The following GMFB variants were observed in gnomAD, a reference collection of about 807,000 sequenced individuals.
GMFB encodes the protein glia maturation factor beta.
Under a neutral mutation model 25.6 loss-of-function variants are expected in GMFB, and 13 were observed. The observed-to-expected ratio is 0.51, with a 90% CI of 0.33 to 0.81. The LOEUF is 0.81. Ranked by LOEUF, GMFB falls within the 30% of genes least tolerant of loss-of-function variation. GMFB has a pLI of 0.02. For missense variants in GMFB, 146 were observed against 175.4 expected (o/e 0.83, Z 0.95); for synonymous variants, 57 against 56.9 (o/e 1.00, Z 0.00).
At chr14:54,480,853 T>A in intron 5 of GMFB, 21 bp downstream of exon 5, 1 of 1,222,352 alleles carries the variant, frequency 8.2e-7, no homozygotes, top group Non-Finnish European at 1.2e-6. Flanking sequence ...AAATATGTGT[T>A]ATTTAAAGAA....
At chr14:54,487,496 G>A (rs372476684) in intron 1 of GMFB, among the ~76,000 whole-genome samples, 3 of 151,718 alleles carry the variant, frequency 2.0e-5, no homozygotes, top group Non-Finnish European at 2.9e-5. Context: ...CGGAGATCGC[G>A]CCACTGCACT....
chr14:54,486,885 T>C (rs1305543052), intron 1 of GMFB, among the ~76,000 whole-genome samples: 1 of 9,634 alleles, frequency 1.0e-4, no homozygotes, highest in Non-Finnish European at 1.9e-4. Context: ...GATTGGATAT[T>C]GGGGGTGGGG....
rs1311778616 is a variant in GMFB, at chr14:54,475,292, T to C, written c.*2796A>G. 6.6e-6 allele frequency: 1 copy of C among 152,576 alleles called. No individual in the cohort carries two copies. The highest frequency in any genetic ancestry group is 1.5e-5 in the Non-Finnish European group (1 of 67,986). The allele number at this position is 152,576 out of a possible 1,614,324, so 9.5% of individuals were successfully genotyped here. A position where few individuals can be genotyped will look rare whatever the true frequency, so the allele number is the denominator to read the frequency against. ...AATAAACTCCCCTAACTGGAAATTT[T>C]TAGCTAAAGTGTCAGACAAGGATAC... On this transcript the variant is annotated 3_prime_UTR_variant, in exon 7 of 7. Coordinates refer to ENST00000358056, the MANE Select transcript of GMFB (RefSeq NM_004124.3).
chr14:54,483,958 A>C (rs747678523), intron 1 of GMFB, 191 bp from the exon 2 acceptor site: 1 of 682,126 alleles, frequency 1.5e-6, no homozygotes, highest in South Asian at 1.5e-5. Flanking sequence ...GCTTAATCCT[A>C]CAAATTTGTT....
At chr14:54,485,615 G>GCAAT (rs955148894) in intron 1 of GMFB, among the ~76,000 whole-genome samples, 2 of 152,132 alleles carry the variant, frequency 1.3e-5, no homozygotes, top group Admixed American at 1.3e-4. Flanking sequence ...CAGATTCAAT[G>GCAAT]CAATCCCCAT....
intron 2 of GMFB, among the ~76,000 whole-genome samples, chr14:54,482,940 G>A (rs944563132): frequency 1.3e-5 from 2 of 151,582 alleles, no homozygotes; most frequent in African/African-American, 4.9e-5. Flanking sequence ...TGTCGACATT[G>A]CAGTATTTAT....
At chr14:54,488,370 A>G (rs1248241434) in intron 1 of GMFB, among the ~76,000 whole-genome samples, 1 of 152,238 alleles carries the variant, frequency 6.6e-6, no homozygotes, top group Non-Finnish European at 1.5e-5. Flanking sequence ...TCCAACTGCC[A>G]TAGGAAAGCA....
rs1264443241 is a variant in GMFB at position 54,475,261 on chromosome 14, T to C, written c.*2827A>G. On this transcript the variant is annotated 3_prime_UTR_variant, in exon 7 of 7. Transcript: ENST00000358056. The stretch of plus-strand genomic sequence containing the variant: ...GGTTGGGGGGAACAGCCAAATTTAA[T>C]TTGGCAATAAACTCCCCTAACTGGA... 1 of 152,574 alleles carries C rather than the reference T, an allele frequency of 6.6e-6. No individual in the cohort carries two copies. Among genetic ancestry groups the C allele is most frequent in the Admixed American group, 6.5e-5 (1 of 15,280 alleles). 9.5% of individuals were successfully genotyped at this position (152,574 alleles called of 1,614,324 possible). A position where few individuals can be genotyped will look rare whatever the true frequency, so the allele number is the denominator to read the frequency against.
intron 1 of GMFB, among the ~76,000 whole-genome samples, chr14:54,484,606 A>G (rs767795435): frequency 1.2e-4 from 18 of 152,180 alleles, no homozygotes; most frequent in Non-Finnish European, 2.5e-4. Context: ...GAATTCTACC[A>G]AAGATTTAAA....
At chr14:54,478,197 C>A in intron 6 of GMFB, 38 bp from the exon 7 acceptor site, 2 of 736,406 alleles carry the variant, frequency 2.7e-6, no homozygotes, top group Non-Finnish European at 4.2e-6. Context: ...TACTTTGACA[C>A]TCCAAAAAAA....
At chr14:54,487,567 GC>G (rs1297407010) in intron 1 of GMFB, among the ~76,000 whole-genome samples, 1 of 151,836 alleles carries the variant, frequency 6.6e-6, no homozygotes, top group Non-Finnish European at 1.5e-5. Context: ...AACAAAATTA[GC>G]CGGGCGTGGT....
chr14:54,482,316 C>CA, intron 2 of GMFB, 114 bp from the exon 3 acceptor site: 1 of 674,132 alleles, frequency 1.5e-6, no homozygotes, highest in Admixed American at 2.4e-5. Context: ...CATCAAGAAA[C>CA]AGAAGCATAT....
At chr14:54,483,427 C>T (rs1340833437) in intron 2 of GMFB, 3 of 428,498 alleles carry the variant, frequency 7.0e-6, no homozygotes, top group African/African-American at 2.0e-5. Context: ...CCAAGACGAC[C>T]GCCTTCTCCA....
At chr14:54,483,988 A>G (rs1175405429) in intron 1 of GMFB, 2 of 640,950 alleles carry the variant, frequency 3.1e-6, no homozygotes, top group Non-Finnish European at 5.8e-6. Flanking sequence ...TATGTAAGGT[A>G]TATTTTAACT....
chr14:54,481,282 C>T, intron 4 of GMFB, 127 bp downstream of exon 4: 1 of 694,076 alleles, frequency 1.4e-6, no homozygotes, highest in South Asian at 1.6e-5. Context: ...CTAGTATATG[C>T]ACACATATTT....
At position 54,487,297 on chromosome 14, in the gene GMFB, C is replaced by T. The variant is rs541245633; in HGVS notation, c.3+1628G>A. Among the ~76,000 whole-genome samples, 12 of 144,824 alleles carry T rather than the reference C, an allele frequency of 8.3e-5. 1 individual carries two copies. The South Asian group carries it at 1.4e-3, about 16-fold the overall frequency. On this transcript the variant is annotated intron_variant, in intron 1 of 6. Coordinates refer to ENST00000358056, the MANE Select transcript of GMFB (RefSeq NM_004124.3). Reference sequence around the variant, plus strand: ...CTGTAATCCCAGCACTTTGGGAGGCCGAGGCAGGTGGATCACGAGGTCAGG... The same window carrying T: ...CTGTAATCCCAGCACTTTGGGAGGCTGAGGCAGGTGGATCACGAGGTCAGG...
Position 54,488,916 on chromosome 14 carries a change from G to A in GMFB, c.3+9C>T, listed in dbSNP as rs763300546. ...CCCTCCGGCCCCCGCCCTCCCAGCG[G>A]CAACTCACCATTTTCCTTCCGGCCG... On this transcript the variant is annotated intron_variant, in intron 1 of 6. Transcript: ENST00000358056. The A allele has an allele frequency of 2.6e-6, 4 of 1,561,780 alleles. No individual in the cohort carries two copies. Among genetic ancestry groups the A allele is most frequent in the African/African-American group, 1.4e-5 (1 of 70,566 alleles).
chr14:54,484,276 A>G (rs1015590299), intron 1 of GMFB, among the ~76,000 whole-genome samples: 1 of 152,042 alleles, frequency 6.6e-6, no homozygotes, highest in African/African-American at 2.4e-5. Context: ...AAGACCAATA[A>G]TATTTTATAT....
intron 1 of GMFB, chr14:54,488,565 G>A: frequency 3.9e-6 from 1 of 258,230 alleles, no homozygotes; most frequent in African/African-American, 2.2e-5. Context: ...CAGGAATTGA[G>A]GGAGCCCTCC....
Sources: allele counts gnomAD v4.1 joint callset (sites outside exome capture counted in the v4.1 genomes callset), GRCh38; gene constraint gnomAD v4.1.1; transcripts MANE v1.5; gene names NCBI Gene and HGNC (gene_info 2026-07-23, HGNC 2026-07-21).